ESRRG: variants seen among roughly 807,000 people sequenced by gnomAD.
The protein encoded by ESRRG is estrogen-related receptor gamma.
A neutral mutation model predicts 44.0 loss-of-function variants in ESRRG; 13 were observed. That is an observed-to-expected ratio of 0.30 (90% CI 0.19 to 0.47). The LOEUF (loss-of-function observed/expected upper bound fraction) is 0.47. ESRRG is among the 20% of genes least tolerant of loss of function. The probability of loss-of-function intolerance (pLI) is 1.00; values close to 1 mark genes in which losing one functional copy is unlikely to be tolerated. For missense variants in ESRRG, 395 were observed against 580.6 expected, an observed-to-expected ratio of 0.68 and a Z score of 3.29; for synonymous variants, 215 against 214.6, an observed-to-expected ratio of 1.00 and a Z score of -0.02.
intron 1 of ESRRG, among the ~76,000 whole-genome samples, chr1:216,714,834 C>G (rs527239043): frequency 6.6e-6 from 1 of 152,054 alleles, no homozygotes; most frequent in Non-Finnish European, 1.5e-5. Context: ...ATGGCTCATA[C>G]GAATTGAAAG....
At chr1:217,135,518 G>T (rs1383593107) in intron 1 of ESRRG, among the ~76,000 whole-genome samples, 1 of 151,824 alleles carries the variant, frequency 6.6e-6, no homozygotes, top group Non-Finnish European at 1.5e-5. Context: ...ACTGAGCAAG[G>T]GGCGCGCGCG....
At chr1:216,622,306 A>C (rs996552195) in intron 3 of ESRRG, among the ~76,000 whole-genome samples, 1 of 152,182 alleles carries the variant, frequency 6.6e-6, no homozygotes, top group African/African-American at 2.4e-5. Flanking sequence ...TTCACTTCCA[A>C]AGGACTGCTT....
intron 1 of ESRRG, among the ~76,000 whole-genome samples, chr1:217,033,596 C>T (rs929161900): frequency 6.6e-6 from 1 of 152,044 alleles, no homozygotes; most frequent in Non-Finnish European, 1.5e-5. Context: ...TACTAGAAGC[C>T]ATGAAATTGT....
intron 2 of ESRRG, among the ~76,000 whole-genome samples, chr1:216,891,236 G>T (rs2057749652): frequency 6.6e-6 from 1 of 152,126 alleles, no homozygotes; most frequent in Admixed American, 6.6e-5. Flanking sequence ...ATCTTTATTA[G>T]ATTTTTTTTA....
At chr1:216,864,823 A>C (rs1389552403) in intron 2 of ESRRG, 1 of 152,066 alleles carries the variant, frequency 6.6e-6, no homozygotes, top group African/African-American at 2.4e-5. Flanking sequence ...TTCTCTGGAG[A>C]GGTCAGGAGT....
At chr1:217,073,441 C>T (rs1374296291) in intron 1 of ESRRG, among the ~76,000 whole-genome samples, 1 of 152,132 alleles carries the variant, frequency 6.6e-6, no homozygotes, top group East Asian at 1.9e-4. Context: ...GATGCCCCTT[C>T]TCTCCATGCT....
chr1:216,982,122 A>G (rs1408379308), intron 1 of ESRRG, among the ~76,000 whole-genome samples: 1 of 152,194 alleles, frequency 6.6e-6, no homozygotes, highest in Non-Finnish European at 1.5e-5. Flanking sequence ...CCCTTTTTAA[A>G]GATGGGTGAT....
chr1:216,982,309 T>C (rs1049492897), intron 1 of ESRRG, among the ~76,000 whole-genome samples: 2 of 152,214 alleles, frequency 1.3e-5, no homozygotes, highest in African/African-American at 4.8e-5. Context: ...AAAAAGTATT[T>C]TCTTTTTGGA....
chr1:217,098,056 T>C (rs549144280), intron 1 of ESRRG, among the ~76,000 whole-genome samples: 1 of 152,254 alleles, frequency 6.6e-6, no homozygotes, highest in Admixed American at 6.5e-5. Context: ...AGTTTGAGAG[T>C]CACTGGCAAA....
chr1:216,913,733 T>C (rs1264655933), intron 2 of ESRRG, among the ~76,000 whole-genome samples: 1 of 152,242 alleles, frequency 6.6e-6, no homozygotes, highest in Non-Finnish European at 1.5e-5. Flanking sequence ...TCAAATGATG[T>C]AGTGCGTGTG....
At chr1:216,880,304 CAAAAAAAAAAAAA>C (rs11301281) in intron 2 of ESRRG, among the ~76,000 whole-genome samples, 27 of 29,034 alleles carry the variant, frequency 9.3e-4, no homozygotes, top group African/African-American at 3.5e-3. Flanking sequence ...GCCTCCCTCT[CAAAAAAAAAAAAA>C]AAAAAAAAAA....
intron 2 of ESRRG, among the ~76,000 whole-genome samples, chr1:216,733,796 G>C (rs1432912476): frequency 6.6e-6 from 1 of 151,932 alleles, no homozygotes; most frequent in Admixed American, 6.6e-5. Flanking sequence ...TTCGAGACCA[G>C]CTTGACAAAC....
chr1:216,976,589 C>T (rs1056470390), intron 1 of ESRRG, among the ~76,000 whole-genome samples: 2 of 152,158 alleles, frequency 1.3e-5, no homozygotes, highest in Admixed American at 6.6e-5. Context: ...CAATGCTAAA[C>T]ACCTCTTAAT....
At chr1:217,112,896 G>A (rs2092675848) in intron 1 of ESRRG, among the ~76,000 whole-genome samples, 1 of 152,178 alleles carries the variant, frequency 6.6e-6, no homozygotes, top group Non-Finnish European at 1.5e-5. Context: ...TCAAGAGAAT[G>A]TGTAAGCATC....
chr1:216,985,089 C>T (rs1280563219), intron 1 of ESRRG, among the ~76,000 whole-genome samples: 1 of 152,102 alleles, frequency 6.6e-6, no homozygotes, highest in African/African-American at 2.4e-5. Context: ...ATGGCAGGTG[C>T]AGCTTCCAAG....
chr1:217,087,794 C>A (rs12567518), intron 1 of ESRRG, among the ~76,000 whole-genome samples: 1 of 152,134 alleles, frequency 6.6e-6, no homozygotes, highest in Non-Finnish European at 1.5e-5. Flanking sequence ...CAAAGCCATG[C>A]GTAACAGACA....
intron 1 of ESRRG, among the ~76,000 whole-genome samples, chr1:217,003,229 A>G (rs908433898): frequency 2.6e-5 from 4 of 152,164 alleles, no homozygotes; most frequent in Non-Finnish European, 4.4e-5. Context: ...TGTTGGAGAA[A>G]GCATGGACTT....
At chr1:216,957,451 C>G (rs1474557953) in intron 1 of ESRRG, among the ~76,000 whole-genome samples, 2 of 152,104 alleles carry the variant, frequency 1.3e-5, no homozygotes, top group African/African-American at 4.8e-5. Context: ...AAAAATGAAT[C>G]CACATTACTC....
At chr1:216,952,893 T>A (rs1372820841) in intron 1 of ESRRG, among the ~76,000 whole-genome samples, 1 of 152,056 alleles carries the variant, frequency 6.6e-6, no homozygotes, top group Non-Finnish European at 1.5e-5. Flanking sequence ...GCTCGCTGTT[T>A]CATTTTTGTA....
Sources: allele counts gnomAD v4.1 joint callset (sites outside exome capture counted in the v4.1 genomes callset), GRCh38; gene constraint gnomAD v4.1.1; transcripts MANE v1.5; gene names NCBI Gene and HGNC (gene_info 2026-07-23, HGNC 2026-07-21).